DGKB: variants seen among roughly 807,000 people sequenced by gnomAD.
DGKB encodes diacylglycerol kinase beta, also known as 90 kDa diacylglycerol kinase.
In DGKB, 67 loss-of-function variants were observed where a neutral mutation model predicts 114.3. The observed-to-expected ratio is 0.59, with a 90% CI of 0.48 to 0.72. The LOEUF (loss-of-function observed/expected upper bound fraction) is 0.72, where lower values mean the gene tolerates loss of function less well. Among genes scored for constraint, DGKB ranks in the 30% least tolerant of loss-of-function variants. The pLI is 0.00. For synonymous variants in DGKB, 398 were observed against 323.1 expected (o/e 1.23, Z -2.49); for missense variants, 907 against 975.2 (o/e 0.93, Z 0.93).
At chr7:14,251,255 A>T (rs941114237) in intron 23 of DGKB, among the ~76,000 whole-genome samples, 2 of 151,890 alleles carry the variant, frequency 1.3e-5, no homozygotes, top group African/African-American at 4.8e-5. Flanking sequence ...TTGTGCTGCT[A>T]TACTGTGATT....
chr7:14,842,489 G>A (rs1448714542), intron 1 of DGKB, among the ~76,000 whole-genome samples: 2 of 152,190 alleles, frequency 1.3e-5, no homozygotes, highest in Non-Finnish European at 2.9e-5. Flanking sequence ...AGACCAAACT[G>A]CTGGATATCT....
At chr7:14,402,978 G>A (rs146533260) in intron 21 of DGKB, among the ~76,000 whole-genome samples, 83 of 151,758 alleles carry the variant, frequency 5.5e-4, no homozygotes, top group African/African-American at 1.9e-3. Context: ...TGCAGTTTTC[G>A]GACATTTCAG....
chr7:14,627,685 T>C (rs906529691), intron 14 of DGKB, among the ~76,000 whole-genome samples: 14 of 151,890 alleles, frequency 9.2e-5, no homozygotes, highest in African/African-American at 3.4e-4. Flanking sequence ...GGCTCACACC[T>C]GTAATCTCAG....
At chr7:14,589,231 C>T (rs1179984136) in intron 17 of DGKB, among the ~76,000 whole-genome samples, 2 of 151,846 alleles carry the variant, frequency 1.3e-5, no homozygotes, top group African/African-American at 4.8e-5. Flanking sequence ...GAGTGTTATA[C>T]ATTGATTTTA....
chr7:14,583,839 T>TA, intron 17 of DGKB, among the ~76,000 whole-genome samples: 1 of 152,270 alleles, frequency 6.6e-6, no homozygotes, highest in East Asian at 1.9e-4. Context: ...CAAAGGCAGG[T>TA]AATGCAGCCA....
chr7:14,894,465 A>G (rs1398303867), intron 1 of DGKB, among the ~76,000 whole-genome samples: 5 of 151,478 alleles, frequency 3.3e-5, no homozygotes, highest in Non-Finnish European at 1.5e-5. Flanking sequence ...TTTTTTATCA[A>G]TATGGCATTG....
At chr7:14,343,778 A>T (rs1812015032) in intron 22 of DGKB, among the ~76,000 whole-genome samples, 1 of 150,986 alleles carries the variant, frequency 6.6e-6, no homozygotes, top group Admixed American at 6.6e-5. Context: ...TTTTAAAAAA[A>T]TAATGATTCT....
intron 21 of DGKB, among the ~76,000 whole-genome samples, chr7:14,447,557 A>T (rs1830893416): frequency 6.6e-6 from 1 of 152,138 alleles, no homozygotes; most frequent in South Asian, 2.1e-4. Context: ...AAGTTAGATT[A>T]TAAGATAAAT....
intron 2 of DGKB, among the ~76,000 whole-genome samples, chr7:14,825,008 ATG>A (rs1370513806): frequency 2.4e-5 from 2 of 81,680 alleles, no homozygotes; most frequent in South Asian, 4.9e-4. Context: ...ATATATATGT[ATG>A]TGTATGTATA....
intron 1 of DGKB, among the ~76,000 whole-genome samples, chr7:14,894,347 G>A (rs765005575): frequency 6.6e-6 from 1 of 151,354 alleles, no homozygotes; most frequent in Non-Finnish European, 1.5e-5. Context: ...ACGCATATTA[G>A]AGAACCAGAG....
intron 1 of DGKB, among the ~76,000 whole-genome samples, chr7:14,946,651 A>AT (rs1394918335): frequency 6.6e-6 from 1 of 151,746 alleles, no homozygotes; most frequent in Non-Finnish European, 1.5e-5. Context: ...ATCTGTCATT[A>AT]TATGAGTGGG....
chr7:14,392,185 T>C (rs949419286), intron 21 of DGKB, among the ~76,000 whole-genome samples: 1 of 152,226 alleles, frequency 6.6e-6, no homozygotes, highest in African/African-American at 2.4e-5. Flanking sequence ...AAATTTTCTC[T>C]GTATTAGCTT....
At chr7:14,326,191 C>T (rs928057756) in intron 23 of DGKB, among the ~76,000 whole-genome samples, 2 of 151,984 alleles carry the variant, frequency 1.3e-5, no homozygotes, top group East Asian at 3.9e-4. Context: ...AAAGTCTCCC[C>T]TATTAGCAGC....
intron 21 of DGKB, among the ~76,000 whole-genome samples, chr7:14,357,167 C>T (rs1172163060): frequency 2.6e-5 from 4 of 152,128 alleles, no homozygotes; most frequent in African/African-American, 9.7e-5. Context: ...CCTTCTGTCT[C>T]ACTGATCTGT....
At chr7:14,213,395 G>A (rs750847563) in intron 23 of DGKB, among the ~76,000 whole-genome samples, 59 of 152,156 alleles carry the variant, frequency 3.9e-4, no homozygotes, top group African/African-American at 1.3e-3. Flanking sequence ...TTCCCAAGTG[G>A]TACTGGGAGA....
intron 17 of DGKB, among the ~76,000 whole-genome samples, chr7:14,583,715 T>C (rs1249572188): frequency 5.9e-5 from 9 of 152,182 alleles, no homozygotes. Flanking sequence ...GACAGTGTTT[T>C]CCACCCAGGA....
At chr7:14,615,713 C>T (rs1456823243) in intron 15 of DGKB, among the ~76,000 whole-genome samples, 2 of 151,690 alleles carry the variant, frequency 1.3e-5, no homozygotes, top group African/African-American at 4.8e-5. Flanking sequence ...TTACATAATA[C>T]TTCTCTCATT....
At chr7:14,857,487 C>G (rs1333130123) in intron 1 of DGKB, among the ~76,000 whole-genome samples, 1 of 152,040 alleles carries the variant, frequency 6.6e-6, no homozygotes. Flanking sequence ...TCTACAGAAA[C>G]TGAAATAATA....
At chr7:14,855,987 G>GTATATATATA (rs3036251) in intron 1 of DGKB, among the ~76,000 whole-genome samples, 5 of 143,726 alleles carry the variant, frequency 3.5e-5, no homozygotes, top group Non-Finnish European at 7.5e-5. Context: ...TAGATAATGT[G>GTATATATATA]TATATATATA....
Sources: allele counts gnomAD v4.1 joint callset (sites outside exome capture counted in the v4.1 genomes callset), GRCh38; gene constraint gnomAD v4.1.1; transcripts MANE v1.5; gene names NCBI Gene and HGNC (gene_info 2026-07-23, HGNC 2026-07-21).